The following DND1 variants were observed in gnomAD, a reference collection of about 807,000 sequenced individuals.
DND1 encodes dead end protein homolog 1.
Under a neutral mutation model 30.4 loss-of-function variants are expected in DND1, and 6 were observed. The observed-to-expected ratio is 0.20, with a 90% CI of 0.11 to 0.39. The LOEUF is 0.39. Ranked by LOEUF, DND1 falls within the 10% of genes least tolerant of loss-of-function variation. The probability of loss-of-function intolerance (pLI) is 1.00; values close to 1 mark genes in which losing one functional copy is unlikely to be tolerated. For synonymous variants in DND1, 178 were observed against 210.4 expected, an observed-to-expected ratio of 0.85 and a Z score of 1.33; for missense variants, 358 against 474.9, an observed-to-expected ratio of 0.75 and a Z score of 2.29.
rs112439761 is a variant in DND1 at position 140,673,491 on chromosome 5, G to A, written c.24+28C>T. The A allele has an allele frequency of 1.2e-3, 1,977 of 1,606,902 alleles. 20 individuals are homozygous for A. The African/African-American group carries it at 0.024, about 19-fold the overall frequency. On this transcript the variant is annotated intron_variant, in intron 1 of 3. Coordinates refer to ENST00000542735, the MANE Select transcript of DND1 (RefSeq NM_194249.3). ...GCCGACCCCCGCTCCGGCGGGGCTC[G>A]CCGGCCCCCAAGTCGCCAGCCGCTT...
At position 140,671,241 on chromosome 5, in the gene DND1, C is replaced by G; in HGVS notation, c.*52G>C. 1.2e-6 allele frequency: 2 copies of G among 1,608,762 alleles called. No individual in the cohort carries two copies. The highest frequency in any genetic ancestry group is 1.7e-6 in the Non-Finnish European group (2 of 1,177,288). On this transcript the variant is annotated 3_prime_UTR_variant, in exon 4 of 4. Coordinates refer to ENST00000542735, the MANE Select transcript of DND1 (RefSeq NM_194249.3). ...CCACCCAGGCCTGCTGGGATGGGGC[C>G]TGACACAGGCTCTGCATGCCCATTC...
At chr5:140,672,978 C>T in intron 2 of DND1, 72 bp from the exon 3 acceptor site, 1 of 1,486,208 alleles carries the variant, frequency 6.7e-7, no homozygotes, top group Non-Finnish European at 9.1e-7. Flanking sequence ...ACCCAGCGCG[C>T]GGGGGTGGGA....
rs547446879 is a variant in DND1, at chr5:140,673,500, C to T, written c.24+19G>A. On this transcript the variant is annotated intron_variant, in intron 1 of 3. Coordinates refer to ENST00000542735, the MANE Select transcript of DND1 (RefSeq NM_194249.3). ...CGCTCCGGCGGGGCTCGCCGGCCCCCAAGTCGCCAGCCGCTTACCTCACAA... is the reference window on the plus strand; with the variant it reads ...CGCTCCGGCGGGGCTCGCCGGCCCCTAAGTCGCCAGCCGCTTACCTCACAA... 9 of 1,603,454 alleles carry T rather than the reference C, an allele frequency of 5.6e-6. No homozygotes were observed. In the East Asian group the frequency reaches 1.6e-4, roughly 28 times the overall value.
chr5:140,671,244 A>G lies in DND1; in HGVS notation c.*49T>C. On this transcript the variant is annotated 3_prime_UTR_variant, in exon 4 of 4. Transcript: ENST00000542735. Reference sequence around the variant, plus strand: ...CCCAGGCCTGCTGGGATGGGGCCTGACACAGGCTCTGCATGCCCATTCAGG... The same window carrying G: ...CCCAGGCCTGCTGGGATGGGGCCTGGCACAGGCTCTGCATGCCCATTCAGG... 2 of 1,608,708 alleles carry G rather than the reference A, an allele frequency of 1.2e-6. No homozygotes were observed. Among genetic ancestry groups the G allele is most frequent in the Non-Finnish European group, 1.7e-6 (2 of 1,177,154 alleles).
At chr5:140,673,453 T>TG (rs1758154973) in intron 1 of DND1, 65 bp from the exon 2 acceptor site, 1 of 1,613,254 alleles carries the variant, frequency 6.2e-7, no homozygotes, top group Admixed American at 1.7e-5. Context: ...CCTGTGGTAC[T>TG]GGGGTCCCTA....
Position 140,671,247 on chromosome 5 carries a change from C to A in DND1, c.*46G>T. 1 of 1,610,266 alleles carries A rather than the reference C, an allele frequency of 6.2e-7. No individual in the cohort carries two copies. The highest frequency in any genetic ancestry group is 1.3e-5 in the African/African-American group (1 of 75,030). ...AGGCCTGCTGGGATGGGGCCTGACACAGGCTCTGCATGCCCATTCAGGGTG... is the reference window on the plus strand; with the variant it reads ...AGGCCTGCTGGGATGGGGCCTGACAAAGGCTCTGCATGCCCATTCAGGGTG... On this transcript the variant is annotated 3_prime_UTR_variant, in exon 4 of 4. Coordinates refer to ENST00000542735, the MANE Select transcript of DND1 (RefSeq NM_194249.3).
rs1042383882 is a variant in DND1, at chr5:140,671,700, C to T, written c.655G>A (p.Asp219Asn). The change falls in exon 4 of 4, where the codon GAC becomes AAC. Residue 219 changes from aspartate (D) to asparagine (N), a missense_variant. Physicochemically the swap from Asp to Asn is conservative, Grantham distance 23. Coordinates refer to ENST00000542735, the MANE Select transcript of DND1 (RefSeq NM_194249.3). ...EQVAVEWLKPDLKQRLRQQLV... is the reference protein window; with the variant it reads ...EQVAVEWLKPNLKQRLRQQLV... The stretch of plus-strand genomic sequence containing the variant: ...TGCTGGCGAAGTCGCTGCTTCAGGT[C>T]TGGCTTGAGCCACTCCACAGCCACC... 6.3e-7 allele frequency: 1 copy of T among 1,585,082 alleles called. No homozygotes were observed. Among genetic ancestry groups the T allele is most frequent in the Non-Finnish European group, 8.6e-7 (1 of 1,165,490 alleles).
In DND1 at chr5:140,671,442, T is replaced by G; in HGVS notation, c.913A>C (p.Ile305Leu). 1.2e-6 allele frequency: 2 copies of G among 1,611,612 alleles called. No homozygotes were observed. The highest frequency in any genetic ancestry group is 1.7e-6 in the Non-Finnish European group (2 of 1,179,712). The change falls in exon 4 of 4, where the codon ATC (isoleucine) becomes CTC (leucine). Residue 305 changes from isoleucine to leucine, a missense_variant. Physicochemically the swap from Ile to Leu is conservative, Grantham distance 5. Transcript: ENST00000542735. ...PGHPVPFSGLIWVVLTLDGRD... is the reference protein window; with the variant it reads ...PGHPVPFSGLLWVVLTLDGRD... ...CCATCTAGGGTCAGCACAACCCAGA[T>G]GAGGCCGCTGAAGGGCACCGGATGC...
intron 3 of DND1, 120 bp downstream of exon 3, chr5:140,672,325 A>G (rs1299570878): frequency 4.5e-5 from 49 of 1,099,236 alleles, no homozygotes; most frequent in South Asian, 3.7e-4. Flanking sequence ...ATCAAATAGT[A>G]AAAGGTTGCA....
rs1758056244 is a variant in DND1, at chr5:140,670,887, C to G, written c.*406G>C. ...AAACCAGAATGCCATGTGGTGGAGG[C>G]AAAGGGCAGAATTTCTGACCCCTTT... On this transcript the variant is annotated 3_prime_UTR_variant, in exon 4 of 4. Coordinates refer to ENST00000542735, the MANE Select transcript of DND1 (RefSeq NM_194249.3). 3.8e-6 allele frequency: 1 copy of G among 266,314 alleles called. No homozygotes were observed. The allele number at this position is 266,314 out of a possible 1,614,324, so 16.5% of individuals were successfully genotyped here. A position where few individuals can be genotyped will look rare whatever the true frequency, so the allele number is the denominator to read the frequency against.
intron 2 of DND1, 166 bp from the exon 3 acceptor site, chr5:140,673,072 G>C (rs1302277616): frequency 1.1e-5 from 11 of 1,012,250 alleles, no homozygotes; most frequent in Non-Finnish European, 1.7e-5. Flanking sequence ...GCTAACAAGG[G>C]GGCTGGCACA....
chr5:140,672,260 C>T lies in DND1; in HGVS notation c.604+185G>A, dbSNP rs1326056181. On this transcript the variant is annotated intron_variant, in intron 3 of 3. Transcript: ENST00000542735. ...TCAGGAGGTAATGCTCGGGAAGTGTCACAAATTTAGGTAAGCGGTGGTGGT... is the reference window on the plus strand; with the variant it reads ...TCAGGAGGTAATGCTCGGGAAGTGTTACAAATTTAGGTAAGCGGTGGTGGT... The T allele has an allele frequency of 2.4e-5, 16 of 671,892 alleles. No individual in the cohort carries two copies. The East Asian group carries it at 4.2e-4, about 18-fold the overall frequency. The allele number at this position is 671,892 out of a possible 1,614,324, so 41.6% of individuals were successfully genotyped here. A position where few individuals can be genotyped will look rare whatever the true frequency, so the allele number is the denominator to read the frequency against.
At chr5:140,671,935 C>G (rs1442406819) in intron 3 of DND1, 185 bp from the exon 4 acceptor site, 1 of 668,980 alleles carries the variant, frequency 1.5e-6, no homozygotes, top group Non-Finnish European at 2.6e-6. Flanking sequence ...GTATAACACA[C>G]TGCTACCTTA....
intron 3 of DND1, 118 bp from the exon 4 acceptor site, chr5:140,671,868 G>A: frequency 1.8e-6 from 2 of 1,134,630 alleles, no homozygotes; most frequent in South Asian, 1.3e-5. Flanking sequence ...TCCTGGTAGT[G>A]TGACCATGGG....
At position 140,671,492 on chromosome 5, in the gene DND1, A is replaced by C; in HGVS notation, c.863T>G (p.Phe288Cys). The change falls in exon 4 of 4, where the codon TTC becomes TGC. Residue 288 changes from phenylalanine (F) to cysteine (C), a missense_variant. Coordinates refer to ENST00000542735, the MANE Select transcript of DND1 (RefSeq NM_194249.3). ...CCCAGGAATCACCACCTGGTACCAG[A>C]AGCGGTGCCAGCCAGCAGGTCCTAT... Reference protein sequence around the residue: ...LGIGPAGWHRFWYQVVIPGHP... With the variant: ...LGIGPAGWHRCWYQVVIPGHP... 6.3e-7 allele frequency: 1 copy of C among 1,597,752 alleles called. No homozygotes were observed. The highest frequency in any genetic ancestry group is 1.1e-5 in the South Asian group (1 of 89,578).
chr5:140,671,175 T>G lies in DND1; in HGVS notation c.*118A>C. 6.8e-6 allele frequency: 9 copies of G among 1,321,214 alleles called. No individual in the cohort carries two copies. Among genetic ancestry groups the G allele is most frequent in the African/African-American group, 1.5e-5 (1 of 68,806 alleles). The allele number at this position is 1,321,214 out of a possible 1,614,324, so 81.8% of individuals were successfully genotyped here. The stretch of plus-strand genomic sequence containing the variant: ...GTCCCAGCAGGGAGGCTGATGGGCC[T>G]GGGCCCATGCCCCTCCCCACCTTTG... On this transcript the variant is annotated 3_prime_UTR_variant, in exon 4 of 4. Transcript: ENST00000542735.
rs1758075531 is a variant in DND1 at position 140,671,562 on chromosome 5, G to A, written c.793C>T (p.Arg265Ter). Residue 265 changes from arginine to a stop codon, truncating the protein, a stop_gained, in exon 4 of 4, where the codon CGA (arginine) becomes TGA (stop). Transcript: ENST00000542735. LOFTEE classifies it high-confidence loss of function. ...AACACAGGGCTGCCCAGCTTCATTCGTTGGCACAGCAACTGCAGGGTAGCC... is the reference window on the plus strand; with the variant it reads ...AACACAGGGCTGCCCAGCTTCATTCATTGGCACAGCAACTGCAGGGTAGCC... ...ARATLQLLCQ[R>*]MKLGSPVFLT... 1.9e-6 allele frequency: 3 copies of A among 1,567,280 alleles called. No individual in the cohort carries two copies. The highest frequency in any genetic ancestry group is 1.2e-5 in the South Asian group (1 of 86,074).
chr5:140,671,876 G>T, intron 3 of DND1, 126 bp from the exon 4 acceptor site: 1 of 1,099,314 alleles, frequency 9.1e-7, no homozygotes, highest in Non-Finnish European at 1.3e-6. Flanking sequence ...GTGTGACCAT[G>T]GGTAAGAAAA....
At chr5:140,673,206 G>T in intron 2 of DND1, 65 bp downstream of exon 2, 1 of 1,557,988 alleles carries the variant, frequency 6.4e-7, no homozygotes, top group South Asian at 1.1e-5. Context: ...TGAAGGCTCG[G>T]AGCAGCCCCT....
Sources: allele counts gnomAD v4.1 joint callset, GRCh38; gene constraint gnomAD v4.1.1; transcripts MANE v1.5; gene names NCBI Gene and HGNC (gene_info 2026-07-23, HGNC 2026-07-21).